The following TEX9 variants were observed in gnomAD, a reference collection of about 807,000 sequenced individuals.
The protein encoded by TEX9 is testis-expressed protein 9.
Under a neutral mutation model 59.6 loss-of-function variants are expected in TEX9, and 74 were observed. That is an observed-to-expected ratio of 1.24 (90% CI 1.03 to 1.51). The LOEUF is 1.51. TEX9 is among the 40% of genes most tolerant of loss of function. The pLI is 0.00. For missense variants in TEX9, 522 were observed against 447.8 expected, an observed-to-expected ratio of 1.17 and a Z score of -1.49; for synonymous variants, 186 against 152.2, an observed-to-expected ratio of 1.22 and a Z score of -1.64.
chr15:56,394,849 T>A lies in TEX9; in HGVS notation c.828+15T>A. The A allele has an allele frequency of 6.3e-7, 1 of 1,598,886 alleles. No homozygotes were observed. Among genetic ancestry groups the A allele is most frequent in the Non-Finnish European group, 8.5e-7 (1 of 1,175,026 alleles). On this transcript the variant is annotated intron_variant, in intron 9 of 12. Transcript: ENST00000352903. Reference sequence around the variant, plus strand: ...CAGTAGAAAGGGTAATTATTTGGTATTTTTCCTAACTTAATGCCACAGATA... The same window carrying A: ...CAGTAGAAAGGGTAATTATTTGGTAATTTTCCTAACTTAATGCCACAGATA...
chr15:56,412,406 G>A (rs1475960202), exon 10 of TEX9: 1 of 1,611,530 alleles, frequency 6.2e-7, no homozygotes, highest in Non-Finnish European at 8.5e-7. Flanking sequence ...AGTATAAACT[G>A]GAGTTAAGTA....
At chr15:56,333,477 T>TA (rs35539808) in intron 1 of TEX9, among the ~76,000 whole-genome samples, 2,604 of 142,192 alleles carry the variant, frequency 0.018, 44 homozygotes, top group African/African-American at 0.036. Flanking sequence ...TCCTTCATGA[T>TA]AAAAAAAAAA....
intron 1 of TEX9, among the ~76,000 whole-genome samples, chr15:56,322,021 G>A (rs1254159489): frequency 6.6e-6 from 1 of 151,934 alleles, no homozygotes; most frequent in African/African-American, 2.4e-5. Context: ...ATGACTCTAG[G>A]CATATGTCAG....
intron 1 of TEX9, among the ~76,000 whole-genome samples, chr15:56,283,014 CAT>C (rs751754767): frequency 6.6e-6 from 1 of 150,450 alleles, no homozygotes; most frequent in Non-Finnish European, 1.5e-5. Flanking sequence ...GGAGAATAAA[CAT>C]ATATGTTTTT....
At chr15:56,253,312 AAC>A (rs2044072272) in intron 1 of TEX9, among the ~76,000 whole-genome samples, 1 of 152,130 alleles carries the variant, frequency 6.6e-6, no homozygotes, top group Non-Finnish European at 1.5e-5. Flanking sequence ...AAAATCATAA[AAC>A]AAGGAGAGGT....
At chr15:56,460,005 AAAAAATAC>A in the TEX9 span, among the ~76,000 whole-genome samples, 1 of 30,516 alleles carries the variant, frequency 3.3e-5, no homozygotes, top group African/African-American at 1.2e-4. Flanking sequence ...AAAAAAAAAA[AAAAAATAC>A]ATATATATAT....
At chr15:56,419,521 T>C (rs2049863076) in intron 10 of TEX9, among the ~76,000 whole-genome samples, 1 of 151,904 alleles carries the variant, frequency 6.6e-6, no homozygotes, top group African/African-American at 2.4e-5. Context: ...TCTATTGAAA[T>C]TATATTTTTC....
chr15:56,426,282 A>C (rs1187051465), intron 10 of TEX9, among the ~76,000 whole-genome samples: 1 of 152,028 alleles, frequency 6.6e-6, no homozygotes, highest in African/African-American at 2.4e-5. Context: ...CAAGGGAAGA[A>C]CTGGGAATTG....
intron 1 of TEX9, among the ~76,000 whole-genome samples, chr15:56,301,100 T>G (rs769402927): frequency 2.0e-5 from 3 of 152,294 alleles, no homozygotes; most frequent in Admixed American, 6.5e-5. Context: ...GAAAGCTCAA[T>G]GAAATTTAAG....
chr15:56,373,378 C>T, intron 2 of TEX9, 63 bp from the exon 3 acceptor site: 30 of 1,492,558 alleles, frequency 2.0e-5, no homozygotes, highest in South Asian at 3.7e-5. Context: ...CGTGTAATTG[C>T]TGAAGTTTAT....
upstream of TEX9, among the ~76,000 whole-genome samples, chr15:56,365,134 G>C (rs947229534): frequency 1.3e-5 from 2 of 152,234 alleles, no homozygotes; most frequent in African/African-American, 4.8e-5. Flanking sequence ...AACAGGGAGG[G>C]ATTGCCTCAC....
At chr15:56,280,575 A>G (rs1173879641) in intron 1 of TEX9, among the ~76,000 whole-genome samples, 5 of 152,242 alleles carry the variant, frequency 3.3e-5, no homozygotes, top group Non-Finnish European at 2.9e-5. Context: ...AGTCAAGATT[A>G]TGCCTATTCT....
chr15:56,460,007 A>ATATAT, the TEX9 span, among the ~76,000 whole-genome samples: 1 of 27,614 alleles, frequency 3.6e-5, no homozygotes, highest in African/African-American at 1.3e-4. Flanking sequence ...AAAAAAAAAA[A>ATATAT]AAATACATAT....
chr15:56,443,588 A>G (rs1287234681), intron 12 of TEX9: 1 of 1,586,974 alleles, frequency 6.3e-7, no homozygotes, highest in South Asian at 1.2e-5. Context: ...AAATTCTGTA[A>G]CTAATATTTC....
intron 1 of TEX9, among the ~76,000 whole-genome samples, chr15:56,324,328 C>T (rs2045971899): frequency 6.6e-6 from 1 of 151,968 alleles, no homozygotes; most frequent in Non-Finnish European, 1.5e-5. Flanking sequence ...CAGATCATTA[C>T]AAGTCTATAC....
intron 12 of TEX9, chr15:56,434,325 T>C (rs767227909): frequency 6.2e-6 from 10 of 1,613,658 alleles, no homozygotes; most frequent in Non-Finnish European, 8.5e-6. Context: ...CACTAATTCC[T>C]TCAAGGCCAT....
At chr15:56,414,593 A>G (rs955530489) in intron 10 of TEX9, among the ~76,000 whole-genome samples, 22 of 151,872 alleles carry the variant, frequency 1.4e-4, no homozygotes, top group Non-Finnish European at 3.1e-4. Context: ...TTATGGCTAC[A>G]TAGTATTCCA....
chr15:56,320,908 G>T (rs2045887818), intron 1 of TEX9, among the ~76,000 whole-genome samples: 1 of 152,126 alleles, frequency 6.6e-6, no homozygotes, highest in African/African-American at 2.4e-5. Context: ...GCTGGAACCA[G>T]GAAATAAAGA....
intron 12 of TEX9, chr15:56,431,546 T>C (rs779660789): frequency 1.3e-6 from 2 of 1,599,062 alleles, no homozygotes; most frequent in South Asian, 1.1e-5. Flanking sequence ...ATTAATCTTA[T>C]ACGAAGTTTT....
Sources: allele counts gnomAD v4.1 joint callset (sites outside exome capture counted in the v4.1 genomes callset), GRCh38; gene constraint gnomAD v4.1.1; transcripts MANE v1.5; gene names NCBI Gene and HGNC (gene_info 2026-07-23, HGNC 2026-07-21).